MEIKIN: variants seen among roughly 807,000 people sequenced by gnomAD.
The protein encoded by MEIKIN is meiosis-specific kinetochore protein.
rs574123495 is a variant in MEIKIN, at chr5:131,873,563, C to A, written c.774+5415G>T. Among the ~76,000 whole-genome samples, 27 of 152,132 alleles carry A rather than the reference C, an allele frequency of 1.8e-4. 1 individual carries two copies. The highest frequency in any genetic ancestry group is 3.4e-4 in the Non-Finnish European group (23 of 68,032). ...ACAATAATAATGGGAGACTTTAACA[C>A]CCCACTGTCAACATTAGACAGATCA... On this transcript the variant is annotated intron_variant, in intron 9 of 12. Coordinates refer to ENST00000442687, the MANE Select transcript of MEIKIN (RefSeq NM_001303622.2).
chr5:131,866,238 T>C (rs1750382764), intron 9 of MEIKIN, among the ~76,000 whole-genome samples: 1 of 152,164 alleles, frequency 6.6e-6, no homozygotes, highest in Admixed American at 6.5e-5. Flanking sequence ...CCAGCTGTGG[T>C]GGTAGTGGCA....
At chr5:131,889,672 C>G (rs1441881473) in intron 8 of MEIKIN, among the ~76,000 whole-genome samples, 1 of 152,212 alleles carries the variant, frequency 6.6e-6, no homozygotes, top group Non-Finnish European at 1.5e-5. Context: ...GACAATTTGA[C>G]TTCCTCTTTT....
At chr5:131,808,154 G>C (rs1036782915) in intron 12 of MEIKIN, among the ~76,000 whole-genome samples, 2 of 152,204 alleles carry the variant, frequency 1.3e-5, no homozygotes, top group South Asian at 2.1e-4. Flanking sequence ...ATTAAAGTCT[G>C]GGAAGTGCTG....
At chr5:131,851,907 A>G (rs1380572619) in intron 10 of MEIKIN, among the ~76,000 whole-genome samples, 1 of 152,226 alleles carries the variant, frequency 6.6e-6, no homozygotes, top group Non-Finnish European at 1.5e-5. Context: ...GGTATCTTTG[A>G]GAAGTCCTGG....
chr5:131,901,021 T>C (rs954999584), intron 8 of MEIKIN, among the ~76,000 whole-genome samples: 3 of 152,254 alleles, frequency 2.0e-5, no homozygotes, highest in South Asian at 2.1e-4. Flanking sequence ...CATGCTGCCA[T>C]TGCTGTCGAA....
intron 8 of MEIKIN, among the ~76,000 whole-genome samples, chr5:131,894,742 T>C (rs1049381935): frequency 1.3e-5 from 2 of 152,222 alleles, no homozygotes; most frequent in South Asian, 4.1e-4. Context: ...TTTTTGCACA[T>C]TGATTTTGTA....
Position 131,880,950 on chromosome 5 carries a change from T to G in MEIKIN, c.704-1902A>C, listed in dbSNP as rs557708983. Among the ~76,000 whole-genome samples the G allele has an allele frequency of 5.3e-5, 8 of 152,364 alleles. No individual in the cohort carries two copies. The South Asian group carries it at 1.7e-3, about 32-fold the overall frequency. Reference sequence around the variant, plus strand: ...CTTATCTTAAAAATTATTTGCTGTTTATTAGAATTCAAATTTAACTGGGTA... The same window carrying G: ...CTTATCTTAAAAATTATTTGCTGTTGATTAGAATTCAAATTTAACTGGGTA... On this transcript the variant is annotated intron_variant, in intron 8 of 12. Transcript: ENST00000442687.
At chr5:131,867,610 G>T (rs1750407978) in intron 9 of MEIKIN, among the ~76,000 whole-genome samples, 1 of 152,084 alleles carries the variant, frequency 6.6e-6, no homozygotes, top group Non-Finnish European at 1.5e-5. Context: ...AACATCATAT[G>T]GTTGGAATCA....
intron 5 of MEIKIN, among the ~76,000 whole-genome samples, chr5:131,924,955 T>A (rs1751564674): frequency 6.6e-6 from 1 of 152,194 alleles, no homozygotes; most frequent in Admixed American, 6.5e-5. Flanking sequence ...CAGCTTAAGG[T>A]CTTATATTTA....
chr5:131,887,153 A>G (rs1363308199), intron 8 of MEIKIN, among the ~76,000 whole-genome samples: 2 of 152,096 alleles, frequency 1.3e-5, no homozygotes, highest in African/African-American at 2.4e-5. Context: ...CCTGCAAAGG[A>G]CATGAACTCA....
intron 5 of MEIKIN, among the ~76,000 whole-genome samples, chr5:131,928,987 G>T (rs1580911849): frequency 6.6e-6 from 1 of 152,212 alleles, no homozygotes; most frequent in African/African-American, 2.4e-5. Context: ...TTGTTAGGCA[G>T]GTCTAGTCAT....
intron 8 of MEIKIN, among the ~76,000 whole-genome samples, chr5:131,885,135 G>C (rs1750757468): frequency 6.6e-6 from 1 of 152,172 alleles, no homozygotes. Flanking sequence ...CATAAGCTTA[G>C]TTGGCTTCAT....
intron 11 of MEIKIN, among the ~76,000 whole-genome samples, chr5:131,843,168 C>G (rs556660952): frequency 6.6e-6 from 1 of 152,352 alleles, no homozygotes; most frequent in Non-Finnish European, 1.5e-5. Flanking sequence ...AGCAGCAAGG[C>G]CCTGGGCCTG....
At chr5:131,874,294 T>C (rs1025339295) in intron 9 of MEIKIN, among the ~76,000 whole-genome samples, 5 of 151,972 alleles carry the variant, frequency 3.3e-5, no homozygotes, top group African/African-American at 4.8e-5. Context: ...ATAGATGCAA[T>C]AGAAAATGAT....
intron 9 of MEIKIN, among the ~76,000 whole-genome samples, chr5:131,859,052 C>T (rs1364628523): frequency 2.6e-5 from 4 of 152,126 alleles, no homozygotes; most frequent in African/African-American, 9.7e-5. Flanking sequence ...AACTACCACT[C>T]GACTCAGCAA....
At chr5:131,904,682 A>G (rs1751215097) in intron 8 of MEIKIN, among the ~76,000 whole-genome samples, 1 of 152,198 alleles carries the variant, frequency 6.6e-6, no homozygotes, top group Non-Finnish European at 1.5e-5. Context: ...CTATAAAGAC[A>G]CATGCACACG....
At chr5:131,911,376 G>A (rs1455599283) in intron 8 of MEIKIN, among the ~76,000 whole-genome samples, 2 of 151,998 alleles carry the variant, frequency 1.3e-5, no homozygotes, top group African/African-American at 4.8e-5. Context: ...TAATAAGGAT[G>A]TAAATGTCTT....
intron 9 of MEIKIN, among the ~76,000 whole-genome samples, chr5:131,869,581 C>G (rs1750449937): frequency 6.6e-6 from 1 of 152,074 alleles, no homozygotes; most frequent in Non-Finnish European, 1.5e-5. Flanking sequence ...AAAACAAAAA[C>G]AAAAACAAAA....
chr5:131,943,819 A>T lies in MEIKIN; in HGVS notation c.288+846T>A, dbSNP rs185234357. On this transcript the variant is annotated intron_variant, in intron 3 of 12. Transcript: ENST00000442687. ...ACATGTTATAAAGGAATATTAAGTT[A>T]AAAAAAAATAGAACTTGGCCAGGTG... Among the ~76,000 whole-genome samples, 471 of 150,648 alleles carry T rather than the reference A, an allele frequency of 3.1e-3. 1 individual carries two copies. Among genetic ancestry groups the T allele is most frequent in the African/African-American group, 0.011 (451 of 40,800 alleles).
Sources: gnomAD v4.1 joint callset for allele counts (sites outside exome capture counted in the v4.1 genomes callset) on GRCh38, gnomAD v4.1.1 for gene constraint, MANE v1.5 for transcripts, NCBI Gene and HGNC (gene_info 2026-07-23, HGNC 2026-07-21) for gene names.